Variants in ACAD10 observed in about 807,000 individuals in gnomAD.
The protein encoded by ACAD10 is acyl-CoA dehydrogenase family member 10.
Under a neutral mutation model 116.8 loss-of-function variants are expected in ACAD10, and 112 were observed. The observed-to-expected ratio is 0.96, with a 90% CI of 0.82 to 1.12. ACAD10 has a LOEUF of 1.12. ACAD10 is among the 50% of genes most tolerant of loss of function. ACAD10 has a pLI of 0.00. For missense variants in ACAD10, 1,259 were observed against 1,350.2 expected (o/e 0.93, Z 1.06); for synonymous variants, 486 against 510.6 (o/e 0.95, Z 0.65).
At chr12:111,727,659 G>T (rs570140546) in intron 8 of ACAD10, among the ~76,000 whole-genome samples, 1 of 152,164 alleles carries the variant, frequency 6.6e-6, no homozygotes, top group Non-Finnish European at 1.5e-5. Context: ...TTACACAAAT[G>T]AACCAGGGAG....
intron 7 of ACAD10, among the ~76,000 whole-genome samples, chr12:111,719,883 A>T (rs1288466269): frequency 6.6e-6 from 1 of 151,396 alleles, no homozygotes; most frequent in Non-Finnish European, 1.5e-5. Context: ...GCCCACCACC[A>T]CTCCTGGCTA....
intron 4 of ACAD10, among the ~76,000 whole-genome samples, chr12:111,706,677 C>A (rs1888514254): frequency 6.6e-6 from 1 of 151,168 alleles, no homozygotes; most frequent in South Asian, 2.1e-4. Context: ...TCTCGAACTC[C>A]CAACCTCAAG....
rs899846279 is a variant in ACAD10, at chr12:111,747,331, A to G, written c.2431A>G (p.Ile811Val). 8 of 1,614,190 alleles carry G rather than the reference A, an allele frequency of 5.0e-6. No individual in the cohort carries two copies. Among genetic ancestry groups the G allele is most frequent in the South Asian group, 1.1e-5 (1 of 91,084 alleles). ...SSDATNIEAS[I>V]REEDSFYVIN... Reference sequence around the variant, plus strand: ...AGATGCCACCAACATTGAGGCTTCCATCAGAGAGGAGGACAGCTTCTATGT... The same window carrying G: ...AGATGCCACCAACATTGAGGCTTCCGTCAGAGAGGAGGACAGCTTCTATGT... The change falls in exon 16 of 21, where the codon ATC (isoleucine) becomes GTC (valine). Residue 811 changes from isoleucine to valine, a missense_variant. Physicochemically the swap from Ile to Val is conservative, Grantham distance 29 (BLOSUM62 3). Coordinates refer to ENST00000313698, the MANE Select transcript of ACAD10 (RefSeq NM_025247.6).
At chr12:111,748,188 GATT>G (rs1889969953) in intron 16 of ACAD10, 126 bp from the exon 17 acceptor site, 1 of 1,182,144 alleles carries the variant, frequency 8.5e-7, no homozygotes, top group Non-Finnish European at 1.2e-6. Flanking sequence ...ATGCTCATCT[GATT>G]ACATGGAGCC....
At chr12:111,715,690 A>C (rs1396044700) in intron 6 of ACAD10, 131 bp from the exon 7 acceptor site, 2 of 1,244,794 alleles carry the variant, frequency 1.6e-6, no homozygotes, top group African/African-American at 1.5e-5. Flanking sequence ...GAGAAGAGGT[A>C]CTTTTCTTGC....
At chr12:111,744,518 T>C (rs1412684269) in intron 12 of ACAD10, 125 bp from the exon 13 acceptor site, 10 of 1,173,342 alleles carry the variant, frequency 8.5e-6, no homozygotes, top group Non-Finnish European at 1.2e-5. Flanking sequence ...CTTAGCACAG[T>C]GTTTGGTACT....
intron 9 of ACAD10, among the ~76,000 whole-genome samples, chr12:111,729,247 T>G (rs921127732): frequency 6.6e-6 from 1 of 151,882 alleles, no homozygotes; most frequent in Non-Finnish European, 1.5e-5. Flanking sequence ...CAGAAGATCT[T>G]TTTTTTTGAG....
At chr12:111,713,396 A>C (rs552388130) in intron 6 of ACAD10, among the ~76,000 whole-genome samples, 1 of 151,978 alleles carries the variant, frequency 6.6e-6, no homozygotes, top group East Asian at 1.9e-4. Context: ...AGGCCAAGGC[A>C]GGTGGATAAC....
At chr12:111,732,344 G>T (rs769604572) in intron 10 of ACAD10, among the ~76,000 whole-genome samples, 1 of 152,024 alleles carries the variant, frequency 6.6e-6, no homozygotes, top group Non-Finnish European at 1.5e-5. Context: ...AATCGAAGTA[G>T]AAAAAAGTTT....
chr12:111,736,167 C>T (rs1889555120), intron 11 of ACAD10, among the ~76,000 whole-genome samples: 1 of 148,328 alleles, frequency 6.7e-6, no homozygotes, highest in Non-Finnish European at 1.5e-5. Flanking sequence ...AGGCATGAGC[C>T]ACTGCACCCA....
chr12:111,747,453 A>G, intron 16 of ACAD10, 68 bp downstream of exon 16: 1 of 1,597,748 alleles, frequency 6.3e-7, no homozygotes, highest in African/African-American at 1.3e-5. Flanking sequence ...GCGTCTCTCA[A>G]TGCCTGGGAG....
chr12:111,709,601 C>T lies in ACAD10; in HGVS notation c.607C>T (p.Leu203=). ...CAAGCTGTGCTTGGAGCAGCTCGGC[C>T]TGCAGCCCTCTGAGTCCATCTTTCT... ...IYKLCLEQLG[L]QPSESIFLDD... Residue 203 remains leucine (L), a synonymous_variant, in exon 5 of 21, where the codon CTG becomes TTG. Coordinates refer to ENST00000313698, the MANE Select transcript of ACAD10 (RefSeq NM_025247.6). 6.2e-7 allele frequency: 1 copy of T among 1,614,122 alleles called. No homozygotes were observed. The highest frequency in any genetic ancestry group is 8.5e-7 in the Non-Finnish European group (1 of 1,180,016).
intron 8 of ACAD10, among the ~76,000 whole-genome samples, chr12:111,727,476 A>T (rs901966836): frequency 1.3e-5 from 2 of 152,160 alleles, no homozygotes; most frequent in Admixed American, 1.3e-4. Flanking sequence ...GTGAGCCGAG[A>T]TCGCGCCACT....
chr12:111,692,782 C>T lies in ACAD10; in HGVS notation c.73C>T (p.Gln25Ter), dbSNP rs757269695. The change falls in exon 2 of 21, where the codon CAG becomes TAG. Residue 25 changes from glutamine (Q) to a stop codon, truncating the protein, a stop_gained. Transcript: ENST00000313698. LOFTEE classifies it high-confidence loss of function. ...GAGAACAGCCTTCCTGAAACACACC[C>T]AGCGCAGGCACCAGGGGTCCCACCG... ...VWRTAFLKHT[Q>*]RRHQGSHRWT... 1.2e-6 allele frequency: 2 copies of T among 1,614,238 alleles called. No individual in the cohort carries two copies. Among genetic ancestry groups the T allele is most frequent in the South Asian group, 1.1e-5 (1 of 91,082 alleles).
intron 2 of ACAD10, among the ~76,000 whole-genome samples, chr12:111,695,895 T>C (rs1888177060): frequency 6.6e-6 from 1 of 151,652 alleles, no homozygotes; most frequent in South Asian, 2.1e-4. Context: ...GCACCTGAAA[T>C]TGCAGCTACT....
chr12:111,692,904 A>G lies in ACAD10; in HGVS notation c.187+8A>G, dbSNP rs7132509. The G allele has an allele frequency of 0.04, 64,073 of 1,612,982 alleles. 11,792 individuals carry two copies. The East Asian group carries it at 0.64, about 16-fold the overall frequency. ...CAGGGAGAGTCGCTGCAGGTGAGCT[A>G]TTGATTCTGTTTCACTTTGTGGGAC... On this transcript the variant is annotated splice_region_variant and intron_variant, in intron 2 of 20. Transcript: ENST00000313698.
intron 2 of ACAD10, among the ~76,000 whole-genome samples, chr12:111,699,639 G>A (rs1286574233): frequency 3.3e-5 from 5 of 152,112 alleles, no homozygotes; most frequent in Non-Finnish European, 7.4e-5. Context: ...GGCTAGACAT[G>A]GTGGATGTGA....
chr12:111,756,977 A>G lies in ACAD10; in HGVS notation c.*504A>G, dbSNP rs1455332040. On this transcript the variant is annotated 3_prime_UTR_variant, in exon 21 of 21. Coordinates refer to ENST00000313698, the MANE Select transcript of ACAD10 (RefSeq NM_025247.6). ...CCTGGGAAAATGGAATGCAACCCAC[A>G]TTGTAAAGCCACTGGCATCTGATTA... 2.1e-5 allele frequency: 9 copies of G among 435,618 alleles called. No individual in the cohort carries two copies. Among genetic ancestry groups the G allele is most frequent in the African/African-American group, 6.1e-5 (3 of 49,246 alleles). The allele number at this position is 435,618 out of a possible 1,614,324, so 27.0% of individuals were successfully genotyped here.
At chr12:111,698,848 T>C (rs562123229) in intron 2 of ACAD10, among the ~76,000 whole-genome samples, 30 of 152,306 alleles carry the variant, frequency 2.0e-4, no homozygotes, top group African/African-American at 7.0e-4. Flanking sequence ...TTGATTTTAT[T>C]GATAATGCTT....
Sources: allele counts gnomAD v4.1 joint callset (sites outside exome capture counted in the v4.1 genomes callset), GRCh38; gene constraint gnomAD v4.1.1; transcripts MANE v1.5; gene names NCBI Gene and HGNC (gene_info 2026-07-23, HGNC 2026-07-21).